Variants in SLC2A3 observed in about 807,000 individuals in gnomAD.
The protein encoded by SLC2A3 is solute carrier family 2 member 3.
Under a neutral mutation model 46.4 loss-of-function variants are expected in SLC2A3, and 21 were observed. The ratio of observed to expected loss-of-function variants is 0.45; its 90% CI spans 0.32 to 0.65. SLC2A3 has a LOEUF of 0.65. Ranked by LOEUF, SLC2A3 falls within the 30% of genes least tolerant of loss-of-function variation. The pLI, the probability that SLC2A3 is intolerant of heterozygous loss-of-function variation, is 0.04. For synonymous variants in SLC2A3, 213 were observed against 239.4 expected, an observed-to-expected ratio of 0.89 and a Z score of 1.02; for missense variants, 499 against 623.3, an observed-to-expected ratio of 0.80 and a Z score of 2.12.
chr12:7,922,684 T>A, intron 9 of SLC2A3, 137 bp downstream of exon 9: 3 of 1,251,318 alleles, frequency 2.4e-6, no homozygotes, highest in Non-Finnish European at 3.3e-6. Context: ...CCTCAGGTGA[T>A]CCACCCGCCT....
At chr12:7,925,573 CAG>C (rs1946086927) in intron 7 of SLC2A3, 4 of 313,386 alleles carry the variant, frequency 1.3e-5, no homozygotes, top group African/African-American at 6.3e-5. Flanking sequence ...AGTGGAGTAA[CAG>C]AGCTTGAGAG....
At position 7,921,493 on chromosome 12, in the gene SLC2A3, C is replaced by A; in HGVS notation, c.1411G>T (p.Gly471Cys). The change falls in exon 10 of 10, where the codon GGT becomes TGT. Residue 471 changes from glycine to cysteine, a missense_variant. Around this residue, in one of 5 missense-constraint regions of SLC2A3, gnomAD observed 179 missense variants for 205.1 expected, o/e 0.87. Coordinates refer to ENST00000075120, the MANE Select transcript of SLC2A3 (RefSeq NM_006931.3). ...CCGTCCTTTCCAGATCTATCTGCAC[C>A]GTGTGCCTGCCCTTCAAAGGCCCGT... ...ITRAFEGQAHGADRSGKDGVM... is the reference protein window; with the variant it reads ...ITRAFEGQAHCADRSGKDGVM... The A allele has an allele frequency of 1.2e-6, 2 of 1,613,926 alleles. No individual in the cohort carries two copies. The highest frequency in any genetic ancestry group is 1.7e-6 in the Non-Finnish European group (2 of 1,179,858).
chr12:7,934,092 A>G (rs959164126), intron 1 of SLC2A3, among the ~76,000 whole-genome samples, 190 bp from the exon 2 acceptor site: 6 of 152,132 alleles, frequency 3.9e-5, no homozygotes, highest in Non-Finnish European at 7.4e-5. Flanking sequence ...ATCTGGAGAT[A>G]AGAATGTGAA....
chr12:7,930,093 C>A, intron 5 of SLC2A3: 1 of 952,860 alleles, frequency 1.0e-6, no homozygotes, highest in Non-Finnish European at 1.5e-6. Context: ...TCACACGATT[C>A]TCCTGCCTCA....
At chr12:7,933,201 A>C (rs1425428200) in intron 2 of SLC2A3, 54 bp from the exon 3 acceptor site, 2 of 1,579,388 alleles carry the variant, frequency 1.3e-6, no homozygotes, top group Non-Finnish European at 1.7e-6. Context: ...GGATGAGAAC[A>C]AAAGACAAAC....
chr12:7,924,228 A>C (rs1169615845), intron 8 of SLC2A3, among the ~76,000 whole-genome samples, 182 bp downstream of exon 8: 1 of 152,122 alleles, frequency 6.6e-6, no homozygotes, highest in Non-Finnish European at 1.5e-5. Context: ...AAATGTAAGG[A>C]TTCTAACAGT....
intron 6 of SLC2A3, among the ~76,000 whole-genome samples, chr12:7,927,632 A>G (rs1413684771): frequency 6.6e-6 from 1 of 152,124 alleles, no homozygotes; most frequent in African/African-American, 2.4e-5. Flanking sequence ...TTTTTTACAG[A>G]CAACTTTCAG....
At chr12:7,930,227 C>G (rs999559291) in intron 5 of SLC2A3, 1 of 501,396 alleles carries the variant, frequency 2.0e-6, no homozygotes, top group Non-Finnish European at 3.4e-6. Context: ...CTCAGGTGAC[C>G]CGCCTCGGCC....
intron 3 of SLC2A3, 74 bp downstream of exon 3, chr12:7,932,913 C>T: frequency 3.2e-6 from 5 of 1,574,994 alleles, no homozygotes; most frequent in Non-Finnish European, 4.3e-6. Context: ...CATCACCTCC[C>T]TGCCCTAACT....
In SLC2A3 at chr12:7,931,263, A is replaced by C. The variant is rs1946152858; in HGVS notation, c.492T>G (p.Val164=). The C allele has an allele frequency of 6.2e-7, 1 of 1,614,062 alleles. No individual in the cohort carries two copies. Among genetic ancestry groups the C allele is most frequent in the East Asian group, 2.2e-5 (1 of 44,904 alleles). The change falls in exon 4 of 10, where the codon GTT becomes GTG. Residue 164 remains valine, a synonymous_variant. Transcript: ENST00000075120. The stretch of plus-strand genomic sequence containing the variant: ...AGAGTACCTGGGCCACCAGAATTCC[A>C]ACAACGATGCCCAGCTGGTTGAGAG... ...FGTLNQLGIV[V]GILVAQIFGL... is the part of the protein sequence containing the mutation.
chr12:7,927,031 C>T (rs1199092452), intron 6 of SLC2A3, among the ~76,000 whole-genome samples: 1 of 152,042 alleles, frequency 6.6e-6, no homozygotes, highest in African/African-American at 2.4e-5. Flanking sequence ...AGAGTATTTG[C>T]CTCCATAGCA....
At chr12:7,931,509 G>A in intron 3 of SLC2A3, 24 bp from the exon 4 acceptor site, 3 of 1,613,160 alleles carry the variant, frequency 1.9e-6, no homozygotes, top group African/African-American at 1.3e-5. Flanking sequence ...CAAAGACAAA[G>A]TAGAATTAGC....
intron 9 of SLC2A3, 60 bp from the exon 10 acceptor site, chr12:7,921,691 A>G (rs905777198): frequency 1.3e-5 from 20 of 1,525,934 alleles, no homozygotes; most frequent in Non-Finnish European, 1.5e-5. Flanking sequence ...GACAAAGTCA[A>G]TTTCCTTCAC....
At position 7,932,194 on chromosome 12, in the gene SLC2A3, C is replaced by T. The variant is rs762541415; in HGVS notation, c.270-709G>A. Among the ~76,000 whole-genome samples the T allele has an allele frequency of 2.6e-4, 38 of 148,516 alleles. No individual in the cohort carries two copies. In the East Asian group the frequency reaches 5.2e-3, roughly 20 times the overall value. On this transcript the variant is annotated intron_variant, in intron 3 of 9. Coordinates refer to ENST00000075120, the MANE Select transcript of SLC2A3 (RefSeq NM_006931.3). ...GGCACCGGCTTTTTTTTTTTTGAGACGGGGTTTTGCTCTTTCGCCCAGGCT... is the reference window on the plus strand; with the variant it reads ...GGCACCGGCTTTTTTTTTTTTGAGATGGGGTTTTGCTCTTTCGCCCAGGCT...
intron 1 of SLC2A3, among the ~76,000 whole-genome samples, chr12:7,935,716 C>G (rs962920087): frequency 1.3e-5 from 2 of 152,108 alleles, no homozygotes; most frequent in African/African-American, 4.8e-5. Flanking sequence ...TCCATACAAC[C>G]AAGCAGCCCG....
Position 7,921,235 on chromosome 12 carries a change from A to G in SLC2A3, c.*178T>C, listed in dbSNP as rs1239094893. The G allele has an allele frequency of 3.2e-5, 41 of 1,279,258 alleles. No individual in the cohort carries two copies. Among genetic ancestry groups the G allele is most frequent in the Non-Finnish European group, 2.7e-5 (25 of 925,442 alleles). 79.2% of individuals were successfully genotyped at this position (1,279,258 alleles called of 1,614,324 possible). A position where few individuals can be genotyped will look rare whatever the true frequency, so the allele number is the denominator to read the frequency against. ...GAGGATGTCCAGGAAATAAAATTTAAAAAGCCATTGAAGATCCAACAAACC... is the reference window on the plus strand; with the variant it reads ...GAGGATGTCCAGGAAATAAAATTTAGAAAGCCATTGAAGATCCAACAAACC... On this transcript the variant is annotated 3_prime_UTR_variant, in exon 10 of 10. Transcript: ENST00000075120.
At chr12:7,923,592 T>A (rs928061519) in intron 8 of SLC2A3, among the ~76,000 whole-genome samples, 1 of 151,982 alleles carries the variant, frequency 6.6e-6, no homozygotes, top group African/African-American at 2.4e-5. Flanking sequence ...TCCAGCCTGG[T>A]GACAGAGTGA....
Position 7,920,018 on chromosome 12 carries a change from G to C in SLC2A3, c.*1395C>G, listed in dbSNP as rs1241592911. The C allele has an allele frequency of 6.6e-6, 1 of 152,150 alleles. No homozygotes were observed. Among genetic ancestry groups the C allele is most frequent in the African/African-American group, 2.4e-5 (1 of 41,404 alleles). 9.4% of individuals were successfully genotyped at this position (152,150 alleles called of 1,614,324 possible). A position where few individuals can be genotyped will look rare whatever the true frequency, so the allele number is the denominator to read the frequency against. The stretch of plus-strand genomic sequence containing the variant: ...AACCTGGTTTATTGGAAAGATTCAA[G>C]TCCCCTGAGGGCATTCGGCATAGGA... On this transcript the variant is annotated 3_prime_UTR_variant, in exon 10 of 10. Transcript: ENST00000075120.
At chr12:7,930,738 A>G in intron 4 of SLC2A3, 96 bp from the exon 5 acceptor site, 4 of 1,310,576 alleles carry the variant, frequency 3.1e-6, no homozygotes, top group Non-Finnish European at 4.1e-6. Flanking sequence ...ACATTCTTTT[A>G]CCATGTGAAA....
Sources: allele counts gnomAD v4.1 joint callset (sites outside exome capture counted in the v4.1 genomes callset), GRCh38; gene constraint gnomAD v4.1.1; regional missense constraint gnomAD v4.1.1; transcripts MANE v1.5; gene names NCBI Gene and HGNC (gene_info 2026-07-23, HGNC 2026-07-21).